Variants in TMEM130 observed in about 807,000 individuals in gnomAD.
The protein encoded by TMEM130 is transmembrane protein 130.
A neutral mutation model predicts 42.9 loss-of-function variants in TMEM130; 37 were observed. The observed-to-expected ratio is 0.86, with a 90% CI of 0.66 to 1.13. The LOEUF (loss-of-function observed/expected upper bound fraction) is 1.13. Among genes scored for constraint, TMEM130 ranks in the 50% most tolerant of loss-of-function variants. TMEM130 has a pLI of 0.00. For missense variants in TMEM130, 545 were observed against 562.6 expected (o/e 0.97, Z 0.32); for synonymous variants, 259 against 237.7 (o/e 1.09, Z -0.82).
chr7:98,851,385 A>G (rs782082640), intron 6 of TMEM130, 36 bp downstream of exon 6: 1 of 1,604,378 alleles, frequency 6.2e-7, no homozygotes, highest in East Asian at 2.2e-5. Context: ...TGTGCTGCCC[A>G]TGTGGCACTG....
At chr7:98,864,518 C>A (rs1554400385) in intron 1 of TMEM130, among the ~76,000 whole-genome samples, 1 of 151,322 alleles carries the variant, frequency 6.6e-6, no homozygotes, top group Non-Finnish European at 1.5e-5. Context: ...TCCTCAACCA[C>A]ATTGTCCAAA....
In TMEM130 at chr7:98,856,119, C is replaced by A; in HGVS notation, c.616G>T (p.Val206Leu). The change falls in exon 4 of 8, where the codon GTG (valine) becomes TTG (leucine). Residue 206 changes from valine (V) to leucine (L), a missense_variant. Coordinates refer to ENST00000339375, the MANE Select transcript of TMEM130 (RefSeq NM_152913.3). ...CACTCCGCCACCACTTTGAGCTTCA[C>A]GGTGAAGGTCCCGATGATGGAATAG... is the stretch of plus-strand genomic sequence containing the variant. ...YNYSIIGTFT[V>L]KLKVVAEWEE... 1 of 1,614,042 alleles carries A rather than the reference C, an allele frequency of 6.2e-7. No homozygotes were observed.
chr7:98,851,587 C>T lies in TMEM130; in HGVS notation c.840G>A (p.Glu280=). 1.2e-6 allele frequency: 2 copies of T among 1,613,806 alleles called. No individual in the cohort carries two copies. Among genetic ancestry groups the T allele is most frequent in the South Asian group, 1.1e-5 (1 of 91,060 alleles). The change falls in exon 6 of 8, where the codon GAG becomes GAA. Residue 280 remains glutamate, a synonymous_variant. Coordinates refer to ENST00000339375, the MANE Select transcript of TMEM130 (RefSeq NM_152913.3). ...PLTVCWRLKP[E]CLPLEEGECH... ...ACTCCCCTTCCTCCAGCGGGAGGCA[C>T]TCAGGCTTGAGACGCCAGCACACAG... is the stretch of plus-strand genomic sequence containing the variant.
rs1363648919 is a variant in TMEM130 at position 98,869,279 on chromosome 7, C to T, written c.85+498G>A. The T allele has an allele frequency of 2.3e-6, 3 of 1,287,930 alleles. No individual in the cohort carries two copies. The Admixed American group carries it at 6.9e-5, about 30-fold the overall frequency. The allele number at this position is 1,287,930 out of a possible 1,614,324, so 79.8% of individuals were successfully genotyped here. A position where few individuals can be genotyped will look rare whatever the true frequency, so the allele number is the denominator to read the frequency against. On this transcript the variant is annotated intron_variant, in intron 1 of 7. Transcript: ENST00000339375. The surrounding 1 kb of genome is among the most constrained non-coding windows in gnomAD (Gnocchi z 4.7). ...GGAAATGGCAGCCTGGCCTCCTGGG[C>T]TCTAAATTCGCATCTCCCCAAAGCC...
At chr7:98,862,288 CAGAGACAGAAAGAGACAA>C (rs1461684342) in intron 2 of TMEM130, among the ~76,000 whole-genome samples, 13 of 104,054 alleles carry the variant, frequency 1.2e-4, no homozygotes, top group Non-Finnish European at 2.5e-4. Flanking sequence ...GACAAAGAGA[CAGAGACAGAAAGAGACAA>C]AGAGACAGAG....
rs754047943 is a variant in TMEM130, at chr7:98,869,247, C to T, written c.85+530G>A. On this transcript the variant is annotated intron_variant, in intron 1 of 7. Transcript: ENST00000339375. The surrounding 1 kb of genome is among the most constrained non-coding windows in gnomAD (Gnocchi z 4.7). Reference sequence around the variant, plus strand: ...TCCGGGTCCATTTTGGAAATCACCACCAGAGAGGAAATGGCAGCCTGGCCT... The same window carrying T: ...TCCGGGTCCATTTTGGAAATCACCATCAGAGAGGAAATGGCAGCCTGGCCT... The T allele has an allele frequency of 1.4e-4, 185 of 1,288,944 alleles. No homozygotes were observed. Among genetic ancestry groups the T allele is most frequent in the Non-Finnish European group, 1.8e-4 (175 of 988,750 alleles). 79.8% of individuals were successfully genotyped at this position (1,288,944 alleles called of 1,614,324 possible).
At chr7:98,861,557 A>G (rs1420628889) in intron 2 of TMEM130, among the ~76,000 whole-genome samples, 12 of 151,958 alleles carry the variant, frequency 7.9e-5, no homozygotes, top group East Asian at 1.9e-4. Context: ...TCTACTAAAA[A>G]TACAAAAATT....
rs149598430 is a variant in TMEM130 at position 98,848,104 on chromosome 7, G to T, written c.1224C>A (p.His408Gln). The change falls in exon 8 of 8, where the codon CAC becomes CAA. Residue 408 changes from histidine to glutamine, a missense_variant. His to Gln is a conservative substitution (Grantham distance 24). Transcript: ENST00000339375. ...SEYLEIVREN[H>Q]GLLPPLYKSV... is the part of the protein sequence containing the mutation. ...ACTTATAGAGGGGCGGGAGCAGCCC[G>T]TGGTTCTCACGAACAATTTCCAGGT... The T allele has an allele frequency of 1.2e-6, 2 of 1,614,030 alleles. No homozygotes were observed. Among genetic ancestry groups the T allele is most frequent in the South Asian group, 1.1e-5 (1 of 91,072 alleles).
intron 1 of TMEM130, among the ~76,000 whole-genome samples, chr7:98,868,026 C>T (rs1224779873): frequency 6.6e-6 from 1 of 152,136 alleles, no homozygotes; most frequent in Non-Finnish European, 1.5e-5. Flanking sequence ...GCCAGAGGTT[C>T]GAGACCAGCC....
rs1562914698 is a variant in TMEM130 at position 98,869,119 on chromosome 7, G to A, written c.85+658C>T. ...TATGGTTCCCAAAATGTGGCAGAGA[G>A]GTGGGTGCTGGCTTTCTGGCGGTGG... On this transcript the variant is annotated intron_variant, in intron 1 of 7. Coordinates refer to ENST00000339375, the MANE Select transcript of TMEM130 (RefSeq NM_152913.3). This position sits in a 1 kb window ranked among gnomAD's most constrained non-coding sequence, Gnocchi z 4.7. The A allele has an allele frequency of 2.5e-6, 3 of 1,198,586 alleles. No individual in the cohort carries two copies. The highest frequency in any genetic ancestry group is 1.1e-6 in the Non-Finnish European group (1 of 930,952). 74.2% of individuals were successfully genotyped at this position (1,198,586 alleles called of 1,614,324 possible).
At chr7:98,851,747 G>T in intron 5 of TMEM130, 124 bp from the exon 6 acceptor site, 1 of 832,768 alleles carries the variant, frequency 1.2e-6, no homozygotes, top group East Asian at 2.7e-5. Context: ...ACATCAAGCC[G>T]TCCTGGACTC....
At position 98,869,707 on chromosome 7, in the gene TMEM130, G is replaced by C. The variant is rs951357101; in HGVS notation, c.85+70C>G. Reference sequence around the variant, plus strand: ...GCAATCCCTGCTCCCGGGCCCACTCGCCCGCTGAGACGGTTCCAGGCCCCG... The same window carrying C: ...GCAATCCCTGCTCCCGGGCCCACTCCCCCGCTGAGACGGTTCCAGGCCCCG... On this transcript the variant is annotated intron_variant, in intron 1 of 7. Coordinates refer to ENST00000339375, the MANE Select transcript of TMEM130 (RefSeq NM_152913.3). This position sits in a 1 kb window ranked among gnomAD's most constrained non-coding sequence, Gnocchi z 4.7. The C allele has an allele frequency of 2.6e-6, 3 of 1,167,990 alleles. No individual in the cohort carries two copies. The highest frequency in any genetic ancestry group is 1.1e-6 in the Non-Finnish European group (1 of 901,920). The allele number at this position is 1,167,990 out of a possible 1,614,324, so 72.4% of individuals were successfully genotyped here. A position where few individuals can be genotyped will look rare whatever the true frequency, so the allele number is the denominator to read the frequency against.
At chr7:98,863,879 TCTCTCTCTCTCTCTCA>T (rs1794849931) in intron 1 of TMEM130, among the ~76,000 whole-genome samples, 1 of 146,862 alleles carries the variant, frequency 6.8e-6, no homozygotes, top group African/African-American at 2.5e-5. Flanking sequence ...CCTTTCTTCC[TCTCTCTCTCTCTCTCA>T]CTCTCTCTCT....
At chr7:98,848,839 C>G in intron 6 of TMEM130, 144 bp from the exon 7 acceptor site, 1 of 654,094 alleles carries the variant, frequency 1.5e-6, no homozygotes. Flanking sequence ...CCCAACTGGG[C>G]AACCCCAATA....
chr7:98,854,042 G>GTTTTTTTTTTTT (rs11297042), intron 5 of TMEM130, among the ~76,000 whole-genome samples: 1 of 105,566 alleles, frequency 9.5e-6, no homozygotes, highest in Non-Finnish European at 2.0e-5. Context: ...GTTTTTTTTT[G>GTTTTTTTTTTTT]TTTTTTTTTT....
At chr7:98,857,242 CTAAG>C (rs1794653837) in intron 3 of TMEM130, among the ~76,000 whole-genome samples, 2 of 152,132 alleles carry the variant, frequency 1.3e-5, no homozygotes, top group African/African-American at 4.8e-5. Flanking sequence ...CTTGACTTTC[CTAAG>C]TAAGTTAGAA....
rs138646198 is a variant in TMEM130, at chr7:98,869,404, G to C, written c.85+373C>G. The C allele has an allele frequency of 2.5e-5, 30 of 1,198,906 alleles. No individual in the cohort carries two copies. The highest frequency in any genetic ancestry group is 1.2e-5 in the Non-Finnish European group (11 of 953,484). 74.3% of individuals were successfully genotyped at this position (1,198,906 alleles called of 1,614,324 possible). A position where few individuals can be genotyped will look rare whatever the true frequency, so the allele number is the denominator to read the frequency against. On this transcript the variant is annotated intron_variant, in intron 1 of 7. Transcript: ENST00000339375. This position sits in a 1 kb window ranked among gnomAD's most constrained non-coding sequence, Gnocchi z 4.7. ...CTGGGGGACTGGGGAATTGTGGCGC[G>C]ATGACGGACCCTGGCGCATCCCCGC...
chr7:98,852,034 G>C (rs1373298782), intron 5 of TMEM130, among the ~76,000 whole-genome samples: 3 of 152,104 alleles, frequency 2.0e-5, no homozygotes, highest in Non-Finnish European at 4.4e-5. Context: ...GCAGCCTCCA[G>C]CTCCTGAGCT....
At chr7:98,863,002 C>T (rs575812494) in intron 2 of TMEM130, 93 bp downstream of exon 2, 1 of 1,367,760 alleles carries the variant, frequency 7.3e-7, no homozygotes, top group Non-Finnish European at 9.8e-7. Context: ...ACCTACGGGC[C>T]TAATCTGCAT....
Sources: gnomAD v4.1 joint callset for allele counts (sites outside exome capture counted in the v4.1 genomes callset) on GRCh38, gnomAD v4.1.1 for gene constraint, Gnocchi (gnomAD v3.1) non-coding constraint, MANE v1.5 for transcripts, NCBI Gene and HGNC (gene_info 2026-07-23, HGNC 2026-07-21) for gene names.